Variants in NECAB2 observed in about 807,000 individuals in gnomAD.
NECAB2 encodes N-terminal EF-hand calcium-binding protein 2.
Under a neutral mutation model 51.9 loss-of-function variants are expected in NECAB2, and 68 were observed. The ratio of observed to expected loss-of-function variants is 1.31; its 90% CI spans 1.08 to 1.60. The LOEUF is 1.60. NECAB2 is among the 40% of genes most tolerant of loss of function. NECAB2 has a pLI of 0.00. For synonymous variants in NECAB2, 329 were observed against 203.5 expected (o/e 1.62, Z -5.25); for missense variants, 854 against 490.3 (o/e 1.74, Z -7.00).
At chr16:83,972,757 C>A (rs767387279) in intron 2 of NECAB2, among the ~76,000 whole-genome samples, 1 of 152,142 alleles carries the variant, frequency 6.6e-6, no homozygotes, top group African/African-American at 2.4e-5. Context: ...ATGTGAGCAG[C>A]GCCTTGTTGT....
chr16:83,976,972 A>T (rs2084418688), intron 2 of NECAB2, among the ~76,000 whole-genome samples: 1 of 152,248 alleles, frequency 6.6e-6, no homozygotes, highest in Non-Finnish European at 1.5e-5. Flanking sequence ...ATGTCGGGTT[A>T]GGCAGGTTGT....
intron 8 of NECAB2, among the ~76,000 whole-genome samples, chr16:83,996,064 A>G (rs1567676752): frequency 6.6e-6 from 1 of 152,212 alleles, no homozygotes; most frequent in Non-Finnish European, 1.5e-5. Flanking sequence ...GCAGGGGCCA[A>G]TCCGGGCCTG....
rs1480670871 is a variant in NECAB2, at chr16:83,990,478, TCTC to T, written c.460-15_460-13del. The T allele has an allele frequency of 6.2e-7, 1 of 1,613,744 alleles. No homozygotes were observed. The highest frequency in any genetic ancestry group is 1.7e-5 in the Admixed American group (1 of 60,012). ...CCACCCCTTTCCCCTCAGTGCCTCTTCTCTTCCTTCCACAGGTATATGAGGGTG... is the reference window on the plus strand; with the variant it reads ...CCACCCCTTTCCCCTCAGTGCCTCTTTTCCTTCCACAGGTATATGAGGGTG... On this transcript the variant is annotated splice_polypyrimidine_tract_variant and intron_variant, in intron 5 of 12. Transcript: ENST00000305202.
At chr16:83,969,637 G>T (rs1225680427) in intron 1 of NECAB2, among the ~76,000 whole-genome samples, 1 of 144,910 alleles carries the variant, frequency 6.9e-6, no homozygotes, top group African/African-American at 2.5e-5. Context: ...CCTCCCACCC[G>T]CCCCACCCGG....
upstream of NECAB2, chr16:83,965,478 T>C: frequency 6.2e-7 from 1 of 1,607,654 alleles, no homozygotes; most frequent in Non-Finnish European, 8.5e-7. Context: ...GACGCGGTCC[T>C]CTACGCCCGC....
At chr16:83,993,193 C>A (rs2084648585) in intron 6 of NECAB2, among the ~76,000 whole-genome samples, 1 of 152,258 alleles carries the variant, frequency 6.6e-6, no homozygotes, top group African/African-American at 2.4e-5. Flanking sequence ...CCCAGGATGT[C>A]ACCTCTAGCA....
At position 83,998,315 on chromosome 16, in the gene NECAB2, C is replaced by G; in HGVS notation, c.960C>G (p.Phe320Leu). The G allele has an allele frequency of 6.2e-7, 1 of 1,613,268 alleles. No homozygotes were observed. Among genetic ancestry groups the G allele is most frequent in the Non-Finnish European group, 8.5e-7 (1 of 1,179,882 alleles). The change falls in exon 10 of 13, where the codon TTC becomes TTG. Residue 320 changes from phenylalanine (F) to leucine (L), a missense_variant and splice_region_variant. Coordinates refer to ENST00000305202, the MANE Select transcript of NECAB2 (RefSeq NM_019065.3). ...LRGTTGVRNC[F>L]HITAVRLSDG... ...GGACCACTGGCGTGAGGAACTGCTT[C>G]CAGTGAGTGAGCTGCCGAGGCGTGG...
chr16:83,998,762 G>T (rs552848312), intron 10 of NECAB2, among the ~76,000 whole-genome samples: 3 of 151,896 alleles, frequency 2.0e-5, no homozygotes, highest in Non-Finnish European at 2.9e-5. Context: ...GAGGAGAGTC[G>T]GTAGCTGAAG....
chr16:83,965,449 C>T (rs370085717), upstream of NECAB2: 13 of 1,596,516 alleles, frequency 8.1e-6, no homozygotes, highest in South Asian at 4.5e-5. Flanking sequence ...TCATCATTGG[C>T]GCGGGGCTGT....
chr16:84,000,252 G>A (rs1048824628), intron 10 of NECAB2, among the ~76,000 whole-genome samples: 5 of 152,130 alleles, frequency 3.3e-5, no homozygotes, highest in African/African-American at 9.7e-5. Flanking sequence ...CATTTCAGCT[G>A]GGCACAGTGG....
chr16:83,976,586 G>C (rs1461256787), intron 2 of NECAB2, among the ~76,000 whole-genome samples: 3 of 152,170 alleles, frequency 2.0e-5, no homozygotes, highest in Admixed American at 2.0e-4. Flanking sequence ...CGGACTTTTA[G>C]TTGTTAGGTT....
intron 1 of NECAB2, among the ~76,000 whole-genome samples, chr16:83,969,877 T>A (rs2151083203): frequency 6.6e-6 from 1 of 152,168 alleles, no homozygotes; most frequent in Admixed American, 6.5e-5. Context: ...GTCGGGGGAT[T>A]CCCTCCCTTC....
Position 83,998,206 on chromosome 16 carries a change from A to C in NECAB2, c.851A>C (p.His284Pro), listed in dbSNP as rs1284184644. The C allele has an allele frequency of 6.2e-7, 1 of 1,608,820 alleles. No individual in the cohort carries two copies. The highest frequency in any genetic ancestry group is 1.7e-5 in the Admixed American group (1 of 59,996). ...RLSDEDGTNM[H>P]LQLVRQEMAV... Reference sequence around the variant, plus strand: ...ACTGACTCCTGCTGTGCCCGGCAGCACCTGCAGCTGGTCCGGCAGGAGATG... The same window carrying C: ...ACTGACTCCTGCTGTGCCCGGCAGCCCCTGCAGCTGGTCCGGCAGGAGATG... The change falls in exon 10 of 13, where the codon CAC (histidine) becomes CCC (proline). Residue 284 changes from histidine (H) to proline (P), a missense_variant and splice_region_variant. Physicochemically the swap from His to Pro is moderately conservative, Grantham distance 77. Transcript: ENST00000305202.
upstream of NECAB2, among the ~76,000 whole-genome samples, chr16:83,968,083 G>A (rs948610580): frequency 1.3e-5 from 2 of 151,936 alleles, no homozygotes; most frequent in East Asian, 3.9e-4. Context: ...CTGGTTCTGG[G>A]CGTTTTGTAA....
chr16:83,999,875 T>A (rs1172204873), intron 10 of NECAB2, among the ~76,000 whole-genome samples: 19 of 141,586 alleles, frequency 1.3e-4, no homozygotes, highest in Non-Finnish European at 3.0e-5. Context: ...TTTTTAAAGG[T>A]TTTTTGATTT....
intron 1 of NECAB2, among the ~76,000 whole-genome samples, chr16:83,969,180 C>T (rs1405087889): frequency 6.6e-6 from 1 of 151,542 alleles, no homozygotes; most frequent in Non-Finnish European, 1.5e-5. Context: ...AACCCCCACC[C>T]TTTACCCCGC....
At chr16:84,000,853 GGCTGTCTTCCTGGA>G in intron 11 of NECAB2, 52 bp downstream of exon 11, 1 of 1,577,424 alleles carries the variant, frequency 6.3e-7, no homozygotes, top group Non-Finnish European at 8.7e-7. Context: ...GAAGTGGGGG[GGCTGTCTTCCTGGA>G]GCCAGGCATC....
intron 9 of NECAB2, 132 bp from the exon 10 acceptor site, chr16:83,998,073 A>G (rs1008023693): frequency 1.8e-5 from 14 of 771,866 alleles, no homozygotes; most frequent in Non-Finnish European, 2.5e-5. Context: ...TTATCCATTC[A>G]TGGGTAAGAA....
At chr16:83,974,446 C>T (rs1017509515) in intron 2 of NECAB2, among the ~76,000 whole-genome samples, 7 of 152,260 alleles carry the variant, frequency 4.6e-5, no homozygotes, top group East Asian at 1.9e-4. Flanking sequence ...AATGGGAGTC[C>T]GCAGGTGTGG....
Sources: allele counts gnomAD v4.1 joint callset (sites outside exome capture counted in the v4.1 genomes callset), GRCh38; gene constraint gnomAD v4.1.1; transcripts MANE v1.5; gene names NCBI Gene and HGNC (gene_info 2026-07-23, HGNC 2026-07-21).